Variants in TGFA observed in about 807,000 individuals in gnomAD.
The protein encoded by TGFA is transforming growth factor alpha.
Under a neutral mutation model 21.7 loss-of-function variants are expected in TGFA, and 12 were observed. That is an observed-to-expected ratio of 0.55 (90% CI 0.35 to 0.90). TGFA has a LOEUF of 0.90. Ranked by LOEUF, TGFA falls within the 40% of genes least tolerant of loss-of-function variation. The pLI, the probability that TGFA is intolerant of heterozygous loss-of-function variation, is 0.01. For synonymous variants in TGFA, 79 were observed against 88.1 expected (o/e 0.90, Z 0.58); for missense variants, 178 against 210.8 (o/e 0.84, Z 0.96).
chr2:70,482,199 G>A (rs770315725), intron 2 of TGFA, among the ~76,000 whole-genome samples: 13 of 151,794 alleles, frequency 8.6e-5, no homozygotes, highest in South Asian at 2.1e-4. Flanking sequence ...TACCAAATAC[G>A]TTGGATGTTG....
Position 70,510,182 on chromosome 2 carries a change from T to C in TGFA, c.94+4677A>G, listed in dbSNP as rs1672049054. Among the ~76,000 whole-genome samples the C allele has an allele frequency of 2.0e-5, 3 of 152,364 alleles. No individual in the cohort carries two copies. The South Asian group carries it at 6.2e-4, about 32-fold the overall frequency. On this transcript the variant is annotated intron_variant, in intron 2 of 5. Coordinates refer to ENST00000295400, the MANE Select transcript of TGFA (RefSeq NM_003236.4). ...GGTTCCCATGCTGTCTTTTCTCACCTGCATGGGAGGCTCCTTGAGGACAAG... is the reference window on the plus strand; with the variant it reads ...GGTTCCCATGCTGTCTTTTCTCACCCGCATGGGAGGCTCCTTGAGGACAAG...
chr2:70,470,150 C>T (rs761948936), intron 2 of TGFA, among the ~76,000 whole-genome samples: 7 of 146,814 alleles, frequency 4.8e-5, no homozygotes, highest in East Asian at 2.0e-4. Flanking sequence ...GTTATGAGAG[C>T]GATAAGAGAG....
chr2:70,461,698 G>A (rs1231771399), intron 3 of TGFA: 1 of 152,214 alleles, frequency 6.6e-6, no homozygotes, highest in Non-Finnish European at 1.5e-5. Flanking sequence ...ATGGTGTGGG[G>A]AATCTGCCTC....
chr2:70,465,134 G>T (rs991545486), intron 3 of TGFA, among the ~76,000 whole-genome samples: 8 of 152,164 alleles, frequency 5.3e-5, no homozygotes, highest in African/African-American at 1.9e-4. Flanking sequence ...AGTCGCTTCT[G>T]GTTCTGTTAC....
rs1669999297 is a variant in TGFA at position 70,449,925 on chromosome 2, C to T, written c.*934G>A. On this transcript the variant is annotated 3_prime_UTR_variant, in exon 6 of 6. Coordinates refer to ENST00000295400, the MANE Select transcript of TGFA (RefSeq NM_003236.4). The stretch of plus-strand genomic sequence containing the variant: ...GACACACACACTCTTCCTCTCTCCC[C>T]AACAGAGGGGACAGATCCCTGCTGA... 1 of 152,434 alleles carries T rather than the reference C, an allele frequency of 6.6e-6. No homozygotes were observed. The highest frequency in any genetic ancestry group is 1.5e-5 in the Non-Finnish European group (1 of 68,238). 9.4% of individuals were successfully genotyped at this position (152,434 alleles called of 1,614,324 possible).
intron 1 of TGFA, among the ~76,000 whole-genome samples, chr2:70,516,455 C>A (rs538248030): frequency 6.6e-6 from 1 of 152,340 alleles, no homozygotes; most frequent in East Asian, 1.9e-4. Flanking sequence ...CTTCAGACTG[C>A]TTTTACTGGA....
At chr2:70,540,006 G>A (rs1415169531) in intron 1 of TGFA, among the ~76,000 whole-genome samples, 4 of 152,220 alleles carry the variant, frequency 2.6e-5, no homozygotes, top group East Asian at 1.9e-4. Context: ...CTCATGACCC[G>A]GCCCAATTCT....
In TGFA at chr2:70,493,866, C is replaced by T. The variant is rs149043925; in HGVS notation, c.94+20993G>A. On this transcript the variant is annotated intron_variant, in intron 2 of 5. Coordinates refer to ENST00000295400, the MANE Select transcript of TGFA (RefSeq NM_003236.4). Reference sequence around the variant, plus strand: ...CCCACTCAGGACCAACTCGTGTATACGCTCTACATTAGTACAAATTTGATT... The same window carrying T: ...CCCACTCAGGACCAACTCGTGTATATGCTCTACATTAGTACAAATTTGATT... Among the ~76,000 whole-genome samples, 40 of 152,322 alleles carry T rather than the reference C, an allele frequency of 2.6e-4. No individual in the cohort carries two copies. In the East Asian group the frequency reaches 6.4e-3, roughly 24 times the overall value.
intron 2 of TGFA, among the ~76,000 whole-genome samples, chr2:70,480,126 T>C (rs1184230619): frequency 6.6e-6 from 1 of 152,160 alleles, no homozygotes; most frequent in Non-Finnish European, 1.5e-5. Context: ...AGAAATCTAT[T>C]TGGTAGAAGC....
chr2:70,510,634 C>A (rs1385860989), intron 2 of TGFA, among the ~76,000 whole-genome samples: 10 of 152,210 alleles, frequency 6.6e-5, no homozygotes, highest in African/African-American at 2.2e-4. Context: ...CACCTCCAGC[C>A]TCAGTCACCA....
chr2:70,553,237 A>C (rs1272965520), intron 1 of TGFA: 6 of 1,536,156 alleles, frequency 3.9e-6, no homozygotes, highest in Non-Finnish European at 2.6e-6. Context: ...GCCGATCTTG[A>C]ACATCTCTGC....
intron 1 of TGFA, among the ~76,000 whole-genome samples, chr2:70,516,431 G>A (rs1553501611): frequency 1.3e-5 from 2 of 152,170 alleles, no homozygotes; most frequent in African/African-American, 4.8e-5. Flanking sequence ...CCTCTGAAAT[G>A]AGAAACATAA....
At chr2:70,467,080 A>T (rs1286668400) in intron 2 of TGFA, among the ~76,000 whole-genome samples, 1 of 152,022 alleles carries the variant, frequency 6.6e-6, no homozygotes, top group Non-Finnish European at 1.5e-5. Context: ...GAAAAGAACT[A>T]ATGCATGCTG....
intron 2 of TGFA, among the ~76,000 whole-genome samples, chr2:70,479,474 A>G (rs1671043456): frequency 6.6e-6 from 1 of 152,220 alleles, no homozygotes; most frequent in Non-Finnish European, 1.5e-5. Flanking sequence ...TTTCTTTGCA[A>G]TGAGAACTGG....
At chr2:70,456,573 C>T in intron 3 of TGFA, 85 bp from the exon 4 acceptor site, 1 of 1,472,174 alleles carries the variant, frequency 6.8e-7, no homozygotes, top group South Asian at 1.3e-5. Flanking sequence ...CCTGGAGGGA[C>T]CCAGAGCCTG....
intron 2 of TGFA, 22 bp from the exon 3 acceptor site, chr2:70,465,758 G>C (rs1324041139): frequency 1.2e-6 from 2 of 1,612,806 alleles, no homozygotes; most frequent in East Asian, 2.2e-5. Flanking sequence ...AAAGATGCAG[G>C]GCTCAGATCC....
At chr2:70,515,850 CA>C (rs1447050965) in intron 1 of TGFA, among the ~76,000 whole-genome samples, 5 of 152,192 alleles carry the variant, frequency 3.3e-5, no homozygotes, top group African/African-American at 1.2e-4. Context: ...TCTAAGCCCC[CA>C]GTGCATACTG....
At chr2:70,542,805 T>G (rs782389126) in intron 1 of TGFA, among the ~76,000 whole-genome samples, 2 of 152,244 alleles carry the variant, frequency 1.3e-5, no homozygotes, top group Non-Finnish European at 2.9e-5. Context: ...ATGGGAACAC[T>G]GTTACTTATG....
chr2:70,520,297 C>T (rs1672407278), intron 1 of TGFA, among the ~76,000 whole-genome samples: 1 of 152,078 alleles, frequency 6.6e-6, no homozygotes, highest in Admixed American at 6.6e-5. Context: ...AAATAGCATG[C>T]CTTTTACGCC....
Sources: gnomAD v4.1 joint callset for allele counts (sites outside exome capture counted in the v4.1 genomes callset) on GRCh38, gnomAD v4.1.1 for gene constraint, MANE v1.5 for transcripts, NCBI Gene and HGNC (gene_info 2026-07-23, HGNC 2026-07-21) for gene names.